CCDC34: variants seen among roughly 807,000 people sequenced by gnomAD.
CCDC34 encodes coiled-coil domain-containing protein 34.
In CCDC34, 40 loss-of-function variants were observed where a neutral mutation model predicts 44.1. The observed-to-expected ratio is 0.91, with a 90% confidence interval of 0.70 to 1.18. The LOEUF (loss-of-function observed/expected upper bound fraction) is 1.18. CCDC34 is among the 50% of genes most tolerant of loss of function. The probability of loss-of-function intolerance (pLI) is 0.00; values close to 1 mark genes in which losing one functional copy is unlikely to be tolerated. For synonymous variants in CCDC34, 159 were observed against 158.2 expected (o/e 1.01, Z -0.04); for missense variants, 466 against 452.3 (o/e 1.03, Z -0.28).
chr11:27,362,732 C>G, intron 1 of CCDC34, 104 bp downstream of exon 1: 3 of 1,362,734 alleles, frequency 2.2e-6, no homozygotes, highest in Non-Finnish European at 3.0e-6. Flanking sequence ...CAAGTGCCTG[C>G]TCTGCCTTTG....
At chr11:27,360,413 T>C (rs1475166553) in intron 1 of CCDC34, among the ~76,000 whole-genome samples, 2 of 152,198 alleles carry the variant, frequency 1.3e-5, no homozygotes, top group Non-Finnish European at 2.9e-5. Flanking sequence ...TAATATCCAT[T>C]ATGTGCAGCT....
At chr11:27,348,799 T>C in intron 3 of CCDC34, 1 of 784,964 alleles carries the variant, frequency 1.3e-6, no homozygotes, top group African/African-American at 3.2e-5. Flanking sequence ...TGATAGGTCT[T>C]AAAGAAAAAA....
intron 3 of CCDC34, chr11:27,349,545 T>C (rs1213514860): frequency 9.4e-6 from 9 of 953,980 alleles, no homozygotes; most frequent in Non-Finnish European, 1.1e-5. Context: ...TTTCCACATT[T>C]GTAAAACTGG....
chr11:27,343,598 T>G (rs776622412), intron 3 of CCDC34, among the ~76,000 whole-genome samples: 2 of 152,150 alleles, frequency 1.3e-5, no homozygotes, highest in African/African-American at 2.4e-5. Flanking sequence ...GACCTTGGAG[T>G]ACATCTTGCT....
chr11:27,348,928 C>CTT, intron 3 of CCDC34: 1 of 984,748 alleles, frequency 1.0e-6, no homozygotes. Flanking sequence ...ATTTTGCCTT[C>CTT]AATAACTAGT....
At chr11:27,351,974 A>G (rs1025370457) in intron 2 of CCDC34, among the ~76,000 whole-genome samples, 6 of 152,216 alleles carry the variant, frequency 3.9e-5, no homozygotes, top group Non-Finnish European at 8.8e-5. Context: ...GCAAAAGGGA[A>G]AATTCAGAGC....
At chr11:27,346,849 C>T (rs1368242439) in intron 3 of CCDC34, among the ~76,000 whole-genome samples, 2 of 152,074 alleles carry the variant, frequency 1.3e-5, no homozygotes, top group East Asian at 3.9e-4. Context: ...AAGGGTAGGA[C>T]CCTAATTCAA....
At chr11:27,347,407 G>A (rs781232522) in intron 3 of CCDC34, among the ~76,000 whole-genome samples, 109 of 152,106 alleles carry the variant, frequency 7.2e-4, no homozygotes, top group Non-Finnish European at 1.4e-3. Flanking sequence ...AAAAAGACTT[G>A]TACATGAGTG....
chr11:27,346,474 A>AGAAGGAAGGAAGGAAG lies in CCDC34; in HGVS notation c.606+3842_606+3857dup, dbSNP rs35249457. Among the ~76,000 whole-genome samples the AGAAGGAAGGAAGGAAG allele has an allele frequency of 9.0e-3, 1,152 of 128,096 alleles. 13 individuals carry two copies. The highest frequency in any genetic ancestry group is 0.012 in the Non-Finnish European group (757 of 62,660). 84.0% of individuals were successfully genotyped at this position (128,096 alleles called of 152,430 possible). A position where few individuals can be genotyped will look rare whatever the true frequency, so the allele number is the denominator to read the frequency against. On this transcript the variant is annotated intron_variant, in intron 3 of 5. Transcript: ENST00000328697. ...AAGGAAGGGAGGGAAGACAGAGGAA[A>AGAAGGAAGGAAGGAAG]GAAGGAAGGAAGGAAGGAAGGAAGG...
chr11:27,350,320 T>C lies in CCDC34; in HGVS notation c.606+12A>G. 1 of 1,613,976 alleles carries C rather than the reference T, an allele frequency of 6.2e-7. No homozygotes were observed. The highest frequency in any genetic ancestry group is 1.3e-5 in the African/African-American group (1 of 75,062). On this transcript the variant is annotated intron_variant, in intron 3 of 5. Transcript: ENST00000328697. ...GAGATGTCAATGTGTGTATCCATTT[T>C]CCCCTCCTTACTTGCTCATTCTTTT...
chr11:27,348,643 T>C (rs1862465713), intron 3 of CCDC34, among the ~76,000 whole-genome samples: 1 of 152,060 alleles, frequency 6.6e-6, no homozygotes, highest in Non-Finnish European at 1.5e-5. Context: ...AGCTAAAATG[T>C]GAATGAAGCT....
chr11:27,343,326 C>T (rs935550442), intron 3 of CCDC34, among the ~76,000 whole-genome samples: 1 of 151,010 alleles, frequency 6.6e-6, no homozygotes, highest in Non-Finnish European at 1.5e-5. Flanking sequence ...TGCTTGAACC[C>T]AGGAGGCGGA....
At position 27,362,879 on chromosome 11, in the gene CCDC34, T is replaced by A; in HGVS notation, c.316A>T (p.Lys106Ter). 1 of 1,614,082 alleles carries A rather than the reference T, an allele frequency of 6.2e-7. No individual in the cohort carries two copies. Among genetic ancestry groups the A allele is most frequent in the Non-Finnish European group, 8.5e-7 (1 of 1,179,986 alleles). Residue 106 changes from lysine (K) to a stop codon, truncating the protein, a stop_gained, in exon 1 of 6, where the codon AAA (lysine) becomes TAA (stop). Transcript: ENST00000328697. LOFTEE classifies it high-confidence loss of function. ...TCCATTCCTCTCAGGCTCGCCACTTTGGCCTCTGAATCATGGGCATCTTCA... is the reference window on the plus strand; with the variant it reads ...TCCATTCCTCTCAGGCTCGCCACTTAGGCCTCTGAATCATGGGCATCTTCA... Reference protein sequence around the residue: ...VDEDAHDSEAKVASLRGMELQ... With the variant: ...VDEDAHDSEA
rs560356424 is a variant in CCDC34, at chr11:27,361,265, A to G, written c.359+1571T>C. Among the ~76,000 whole-genome samples, 47 of 151,968 alleles carry G rather than the reference A, an allele frequency of 3.1e-4. No individual in the cohort carries two copies. In the South Asian group the frequency reaches 9.4e-3, roughly 30 times the overall value. ...GGATAAGTGAGACGTACATACGTTC[A>G]CCTCCTCCCCTGGCAGGCTCCACTT... On this transcript the variant is annotated intron_variant, in intron 1 of 5. Coordinates refer to ENST00000328697, the MANE Select transcript of CCDC34 (RefSeq NM_030771.2).
At chr11:27,341,334 G>T in intron 4 of CCDC34, 58 bp downstream of exon 4, 2 of 1,023,160 alleles carry the variant, frequency 2.0e-6, no homozygotes, top group Non-Finnish European at 2.8e-6. Flanking sequence ...CTAAGATATA[G>T]TTGACACATA....
chr11:27,349,070 G>A (rs1051185937), intron 3 of CCDC34: 1 of 984,824 alleles, frequency 1.0e-6, no homozygotes, highest in African/African-American at 1.8e-5. Flanking sequence ...TACATTCCTA[G>A]ACAAACAACA....
intron 1 of CCDC34, among the ~76,000 whole-genome samples, chr11:27,361,730 C>A (rs1032710234): frequency 2.0e-5 from 3 of 152,186 alleles, no homozygotes; most frequent in South Asian, 4.1e-4. Context: ...TCCATTCACT[C>A]ATGCTGGATA....
intron 1 of CCDC34, among the ~76,000 whole-genome samples, chr11:27,361,511 T>A (rs1862664315): frequency 1.3e-5 from 2 of 152,212 alleles, no homozygotes; most frequent in Non-Finnish European, 2.9e-5. Context: ...GAAAACAATT[T>A]ACTGAAACCC....
chr11:27,357,285 CT>C (rs1565062371), intron 2 of CCDC34, 117 bp downstream of exon 2: 1 of 937,408 alleles, frequency 1.1e-6, no homozygotes, highest in Non-Finnish European at 1.5e-6. Context: ...ATATAGTAAA[CT>C]AACATAAATG....
Sources: allele counts gnomAD v4.1 joint callset (sites outside exome capture counted in the v4.1 genomes callset), GRCh38; gene constraint gnomAD v4.1.1; transcripts MANE v1.5; gene names NCBI Gene and HGNC (gene_info 2026-07-23, HGNC 2026-07-21).